MALRD1: variants seen among roughly 807,000 people sequenced by gnomAD.
The protein encoded by MALRD1 is MAM and LDL receptor class A domain containing 1.
MALRD1 carries 247 observed loss-of-function variants against 242.1 expected under a neutral mutation model. The observed-to-expected ratio is 1.02, with a 90% CI of 0.92 to 1.13. MALRD1 has a LOEUF of 1.13. Among genes scored for constraint, MALRD1 ranks in the 50% most tolerant of loss-of-function variants. The probability of loss-of-function intolerance (pLI) is 0.00; values close to 1 mark genes in which losing one functional copy is unlikely to be tolerated. For synonymous variants in MALRD1, 995 were observed against 866.6 expected, an observed-to-expected ratio of 1.15 and a Z score of -2.60; for missense variants, 2,989 against 2,533.1, an observed-to-expected ratio of 1.18 and a Z score of -3.86.
chr10:19,724,860 TAAAC>T (rs1834945951), intron 38 of MALRD1: 2 of 152,134 alleles, frequency 1.3e-5, no homozygotes, highest in South Asian at 4.2e-4. Flanking sequence ...CTAGAGCAAA[TAAAC>T]AAATTCAGAG....
In MALRD1 at chr10:19,495,755, G is replaced by A. The variant is rs552580721; in HGVS notation, c.5159-2730G>A. On this transcript the variant is annotated intron_variant, in intron 30 of 39. Transcript: ENST00000454679. ...AACCTTGAATGTAAATAGGCAAAAT[G>A]CCCCAATTAAAAGGCACAGAGTGGC... Among the ~76,000 whole-genome samples, 76 of 152,210 alleles carry A rather than the reference G, an allele frequency of 5.0e-4. No individual in the cohort carries two copies. In the South Asian group the frequency reaches 0.015, roughly 29 times the overall value.
intron 29 of MALRD1, among the ~76,000 whole-genome samples, chr10:19,490,849 A>C: frequency 6.6e-6 from 1 of 152,194 alleles, no homozygotes; most frequent in East Asian, 1.9e-4. Context: ...TCATCTACAA[A>C]AAATTTGCAT....
intron 5 of MALRD1, among the ~76,000 whole-genome samples, chr10:19,104,372 T>C (rs1341526926): frequency 6.6e-6 from 1 of 152,174 alleles, no homozygotes; most frequent in Admixed American, 6.5e-5. Flanking sequence ...CTCTGTGCCT[T>C]CTAGGAGACT....
At chr10:19,668,038 C>A (rs1427732342) in intron 36 of MALRD1, among the ~76,000 whole-genome samples, 1 of 152,050 alleles carries the variant, frequency 6.6e-6, no homozygotes, top group East Asian at 1.9e-4. Context: ...GGCATTAATC[C>A]CATTAATGAG....
chr10:19,531,325 G>T lies in MALRD1; in HGVS notation c.5452G>T (p.Asp1818Tyr). The change falls in exon 32 of 40, where the codon GAT (aspartate) becomes TAT (tyrosine). Residue 1818 changes from aspartate (D) to tyrosine (Y), a missense_variant. Asp to Tyr is a radical substitution (Grantham distance 160, BLOSUM62 -3). Transcript: ENST00000454679. ...TGTTCGGTTCTGGTTCTACATGATT[G>T]ATCCCAGGAGTATGGGAATATTAAA... ...CTVRFWFYMIDPRSMGILKVY... is the reference protein window; with the variant it reads ...CTVRFWFYMIYPRSMGILKVY... The T allele has an allele frequency of 1.3e-6, 2 of 1,547,052 alleles. No homozygotes were observed. Among genetic ancestry groups the T allele is most frequent in the Non-Finnish European group, 8.7e-7 (1 of 1,144,616 alleles).
intron 18 of MALRD1, among the ~76,000 whole-genome samples, chr10:19,239,516 C>T (rs1022744525): frequency 6.6e-6 from 1 of 152,084 alleles, no homozygotes; most frequent in African/African-American, 2.4e-5. Context: ...CCCCATTTAT[C>T]TATTTTTGCT....
intron 7 of MALRD1, among the ~76,000 whole-genome samples, chr10:19,126,853 C>G (rs866022707): frequency 7.2e-5 from 11 of 151,966 alleles, no homozygotes; most frequent in Admixed American, 2.0e-4. Flanking sequence ...ACCTGTCAAC[C>G]CATTACCTAG....
intron 32 of MALRD1, among the ~76,000 whole-genome samples, chr10:19,547,740 C>T (rs1352100634): frequency 2.5e-5 from 3 of 119,024 alleles, no homozygotes; most frequent in Non-Finnish European, 4.9e-5. Context: ...GGAGCTACAG[C>T]ACACTTCATT....
At chr10:19,383,297 T>C (rs1013062222) in intron 26 of MALRD1, among the ~76,000 whole-genome samples, 5 of 152,160 alleles carry the variant, frequency 3.3e-5, no homozygotes, top group Admixed American at 2.0e-4. Flanking sequence ...AGTGAGAACA[T>C]ACGGTATTGG....
intron 29 of MALRD1, among the ~76,000 whole-genome samples, chr10:19,468,057 G>C (rs150365208): frequency 6.6e-6 from 1 of 151,978 alleles, no homozygotes; most frequent in Non-Finnish European, 1.5e-5. Context: ...GCCTCCCAAA[G>C]TGCTGGGATT....
At chr10:19,289,082 T>G (rs887042277) in intron 21 of MALRD1, among the ~76,000 whole-genome samples, 21 of 152,128 alleles carry the variant, frequency 1.4e-4, no homozygotes, top group African/African-American at 5.1e-4. Context: ...TTCTTTAATT[T>G]TTTTCCTTGG....
intron 38 of MALRD1, among the ~76,000 whole-genome samples, chr10:19,716,291 T>G (rs1050013027): frequency 1.3e-5 from 2 of 151,850 alleles, no homozygotes; most frequent in African/African-American, 4.8e-5. Flanking sequence ...TGCTGGGAGG[T>G]GATTGAATCA....
chr10:19,217,280 T>C (rs189917792), intron 18 of MALRD1, among the ~76,000 whole-genome samples: 2 of 152,318 alleles, frequency 1.3e-5, no homozygotes. Context: ...TCCCTACATT[T>C]ACTGATTCCT....
intron 21 of MALRD1, among the ~76,000 whole-genome samples, chr10:19,306,255 A>AGTATAGTATATATACTATATATACCGT (rs1173586007): frequency 1.8e-4 from 24 of 135,518 alleles, no homozygotes; most frequent in Non-Finnish European, 3.0e-4. Flanking sequence ...ACTATACTAT[A>AGTATAGTATATATACTATATATACCGT]GTATAGTATA....
intron 36 of MALRD1, among the ~76,000 whole-genome samples, chr10:19,657,418 C>A (rs1841206218): frequency 1.3e-5 from 2 of 152,202 alleles, no homozygotes; most frequent in East Asian, 1.9e-4. Context: ...ACACTCCAGC[C>A]CAGGGGTCCA....
chr10:19,149,510 C>T (rs1019387912), intron 11 of MALRD1, among the ~76,000 whole-genome samples: 1 of 152,076 alleles, frequency 6.6e-6, no homozygotes, highest in Non-Finnish European at 1.5e-5. Context: ...CATATAGTCA[C>T]ACACAGATAT....
chr10:19,202,089 C>T (rs1342822569), intron 14 of MALRD1, among the ~76,000 whole-genome samples: 3 of 152,136 alleles, frequency 2.0e-5, no homozygotes, highest in Admixed American at 6.6e-5. Context: ...ATTGGAATTA[C>T]AGGTGTGAGC....
At chr10:19,240,347 T>C (rs1838702900) in intron 18 of MALRD1, among the ~76,000 whole-genome samples, 1 of 152,090 alleles carries the variant, frequency 6.6e-6, no homozygotes, top group Non-Finnish European at 1.5e-5. Flanking sequence ...ACTACAACTT[T>C]ACTGAATTTA....
chr10:19,397,761 T>C (rs1042317522), intron 28 of MALRD1, among the ~76,000 whole-genome samples: 2 of 152,138 alleles, frequency 1.3e-5, no homozygotes, highest in African/African-American at 4.8e-5. Context: ...ATTTTTGCTT[T>C]TGTTGTCTGT....
Sources: gnomAD v4.1 joint callset for allele counts (sites outside exome capture counted in the v4.1 genomes callset) on GRCh38, gnomAD v4.1.1 for gene constraint, MANE v1.5 for transcripts, NCBI Gene and HGNC (gene_info 2026-07-23, HGNC 2026-07-21) for gene names.